GPLD1: variants seen among roughly 807,000 people sequenced by gnomAD.
The protein encoded by GPLD1 is glycosylphosphatidylinositol specific phospholipase D1.
Under a neutral mutation model 112.6 loss-of-function variants are expected in GPLD1, and 84 were observed. The ratio of observed to expected loss-of-function variants is 0.75; its 90% CI spans 0.63 to 0.89. The LOEUF (loss-of-function observed/expected upper bound fraction) is 0.89. GPLD1 is among the 40% of genes least tolerant of loss of function. The probability of loss-of-function intolerance (pLI) is 0.00; values close to 1 mark genes in which losing one functional copy is unlikely to be tolerated. For synonymous variants in GPLD1, 386 were observed against 403.8 expected (o/e 0.96, Z 0.53); for missense variants, 1,044 against 1,051.5 (o/e 0.99, Z 0.10).
At chr6:24,482,788 G>A (rs1045872789) in intron 2 of GPLD1, among the ~76,000 whole-genome samples, 1 of 151,972 alleles carries the variant, frequency 6.6e-6, no homozygotes, top group South Asian at 2.1e-4. Flanking sequence ...GCAAGACTCT[G>A]TTTCTACAAA....
Position 24,482,058 on chromosome 6 carries a change from C to T in GPLD1, c.154-2099G>A, listed in dbSNP as rs181847965. ...GTTGAGGAAAAAAGAAGAGTACTAA[C>T]GAAGGATGTATCCTTCAGATATTAA... is the stretch of plus-strand genomic sequence containing the variant. On this transcript the variant is annotated intron_variant, in intron 2 of 24. Transcript: ENST00000230036. Among the ~76,000 whole-genome samples the T allele has an allele frequency of 1.1e-4, 17 of 149,814 alleles. 1 individual carries two copies. The highest frequency in any genetic ancestry group is 1.0e-3 in the Admixed American group (15 of 14,998).
At position 24,427,813 on chromosome 6, in the gene GPLD1, T is replaced by C. The variant is rs1411610788; in HGVS notation, c.*1219A>G. 8.2e-6 allele frequency among the ~76,000 whole-genome samples: 1 copy of C among 122,680 alleles called. No homozygotes were observed. The highest frequency in any genetic ancestry group is 2.5e-4 in the East Asian group (1 of 4,074). The allele number at this position is 122,680 out of a possible 152,430, so 80.5% of individuals were successfully genotyped here. The stretch of plus-strand genomic sequence containing the variant: ...GTGAGCTGAGATCACATCACTGCAC[T>C]CCAGCCTGGGCAACAGAGCAAGACT... On this transcript the variant is annotated 3_prime_UTR_variant, in exon 25 of 25. Coordinates refer to ENST00000230036, the MANE Select transcript of GPLD1 (RefSeq NM_001503.4).
chr6:24,469,347 T>C (rs1216898685), intron 7 of GPLD1, among the ~76,000 whole-genome samples: 1 of 133,416 alleles, frequency 7.5e-6, no homozygotes, highest in Non-Finnish European at 1.6e-5. Flanking sequence ...ATTGCGGCAT[T>C]ATTCACAATA....
chr6:24,471,157 AT>A (rs1381407854), intron 7 of GPLD1, among the ~76,000 whole-genome samples: 1 of 152,218 alleles, frequency 6.6e-6, no homozygotes, highest in Non-Finnish European at 1.5e-5. Context: ...AAAAGGACAT[AT>A]CAGAAAGCCC....
At chr6:24,481,020 G>C (rs114360779) in intron 2 of GPLD1, among the ~76,000 whole-genome samples, 3 of 152,348 alleles carry the variant, frequency 2.0e-5, no homozygotes, top group Non-Finnish European at 4.4e-5. Flanking sequence ...TGAGGTCCCA[G>C]AACCAATAGG....
Position 24,437,276 on chromosome 6 carries a change from CTTAG to C in GPLD1, c.2030_2033del (p.Ser677TrpfsTer5), listed in dbSNP as rs1029523303. On this transcript the variant is annotated frameshift_variant, in exon 21 of 25. Transcript: ENST00000230036. LOFTEE classifies it high-confidence loss of function. ...GTAGGGTCACGGTCAGGAATGCCACCTTAGACACGTCATCTGAAACGAACCACAG... is the reference window on the plus strand; with the variant it reads ...GTAGGGTCACGGTCAGGAATGCCACCACACGTCATCTGAAACGAACCACAG... 1.2e-6 allele frequency: 2 copies of C among 1,613,526 alleles called. No homozygotes were observed. Among genetic ancestry groups the C allele is most frequent in the Non-Finnish European group, 1.7e-6 (2 of 1,179,820 alleles).
At chr6:24,444,707 A>G (rs944834689) in intron 20 of GPLD1, among the ~76,000 whole-genome samples, 1 of 152,086 alleles carries the variant, frequency 6.6e-6, no homozygotes, top group Non-Finnish European at 1.5e-5. Context: ...AAAATTAGAT[A>G]ATGTGGTGGC....
In GPLD1 at chr6:24,473,618, C is replaced by T; in HGVS notation, c.490+1G>A. 1 of 1,597,540 alleles carries T rather than the reference C, an allele frequency of 6.3e-7. No homozygotes were observed. Among genetic ancestry groups the T allele is most frequent in the East Asian group, 2.2e-5 (1 of 44,732 alleles). ...ATTTAGCAAATGTAAATAAACAGTA[C>T]CAAAATCACCAGCCGAATGAGCCTC... On this transcript the variant is annotated splice_donor_variant, in intron 6 of 24. Coordinates refer to ENST00000230036, the MANE Select transcript of GPLD1 (RefSeq NM_001503.4). LOFTEE classifies it high-confidence loss of function.
intron 14 of GPLD1, among the ~76,000 whole-genome samples, chr6:24,451,233 C>T (rs1377552943): frequency 1.3e-5 from 2 of 151,746 alleles, no homozygotes; most frequent in African/African-American, 4.8e-5. Context: ...TCTCTTCAGA[C>T]TTTTTTTTTC....
At chr6:24,470,103 C>T (rs1265899742) in intron 7 of GPLD1, among the ~76,000 whole-genome samples, 3 of 151,678 alleles carry the variant, frequency 2.0e-5, no homozygotes, top group Non-Finnish European at 2.9e-5. Context: ...ACACCCTACA[C>T]GTTAGGTTTG....
At chr6:24,459,238 T>C (rs1427173848) in intron 12 of GPLD1, among the ~76,000 whole-genome samples, 2 of 141,616 alleles carry the variant, frequency 1.4e-5, no homozygotes, top group Non-Finnish European at 3.0e-5. Flanking sequence ...GGTGAAGCTT[T>C]TCTCCCTGCT....
Position 24,426,305 on chromosome 6 carries a change from A to T in GPLD1, c.*2727T>A, listed in dbSNP as rs903544806. ...TAAAACTATAGTTAATACTTAGTGG[A>T]AAGAAAATTTAATCCATGTATCAGG... On this transcript the variant is annotated 3_prime_UTR_variant, in exon 25 of 25. Transcript: ENST00000230036. 1 of 152,256 alleles carries T rather than the reference A, an allele frequency of 6.6e-6. No homozygotes were observed. The highest frequency in any genetic ancestry group is 2.1e-4 in the South Asian group (1 of 4,834). 9.4% of individuals were successfully genotyped at this position (152,256 alleles called of 1,614,324 possible).
At position 24,456,598 on chromosome 6, in the gene GPLD1, T is replaced by A; in HGVS notation, c.1048A>T (p.Ile350Leu). ...SFIYKALERN[I>L]RTMFIGGSQL... Reference sequence around the variant, plus strand: ...GAGCCACCTATGAACATTGTCCTTATGTTCCTTTCCAAAGCCTTGTAGATA... The same window carrying A: ...GAGCCACCTATGAACATTGTCCTTAAGTTCCTTTCCAAAGCCTTGTAGATA... Residue 350 changes from isoleucine (I) to leucine (L), a missense_variant, in exon 13 of 25, where the codon ATA (isoleucine) becomes TTA (leucine). By Grantham distance (5) the Ile-to-Leu change is conservative. Coordinates refer to ENST00000230036, the MANE Select transcript of GPLD1 (RefSeq NM_001503.4). 1 of 1,606,036 alleles carries A rather than the reference T, an allele frequency of 6.2e-7. No individual in the cohort carries two copies. The highest frequency in any genetic ancestry group is 1.7e-4 in the Middle Eastern group (1 of 6,046).
chr6:24,462,497 T>C (rs1763469093), intron 11 of GPLD1, among the ~76,000 whole-genome samples: 1 of 152,210 alleles, frequency 6.6e-6, no homozygotes, highest in Non-Finnish European at 1.5e-5. Context: ...CCACTGCATG[T>C]CATCCACACC....
At chr6:24,484,811 A>C (rs1764317779) in intron 2 of GPLD1, among the ~76,000 whole-genome samples, 1 of 152,216 alleles carries the variant, frequency 6.6e-6, no homozygotes, top group South Asian at 2.1e-4. Context: ...GAGGAAGCTG[A>C]ATCTTACGAC....
chr6:24,438,280 A>T (rs975456436), intron 20 of GPLD1, among the ~76,000 whole-genome samples: 1 of 152,226 alleles, frequency 6.6e-6, no homozygotes, highest in Admixed American at 6.5e-5. Context: ...GAATTAATGA[A>T]TTTTGAACAA....
chr6:24,453,714 G>C (rs1284909926), intron 14 of GPLD1, among the ~76,000 whole-genome samples: 1 of 151,866 alleles, frequency 6.6e-6, no homozygotes, highest in East Asian at 1.9e-4. Flanking sequence ...GTGTGTGTGT[G>C]TGTGTGTGTA....
At chr6:24,474,132 C>T (rs543464011) in intron 5 of GPLD1, among the ~76,000 whole-genome samples, 1 of 138,124 alleles carries the variant, frequency 7.2e-6, no homozygotes. Flanking sequence ...ATCTCAAAAA[C>T]AAACAAACAA....
chr6:24,440,123 A>G (rs9461011), intron 20 of GPLD1, among the ~76,000 whole-genome samples: 33,290 of 152,138 alleles, frequency 0.22, 3,851 homozygotes, highest in Non-Finnish European at 0.25. Flanking sequence ...AGGAAAGAGG[A>G]TATCATCTTG....
Sources: allele counts gnomAD v4.1 joint callset (sites outside exome capture counted in the v4.1 genomes callset), GRCh38; gene constraint gnomAD v4.1.1; transcripts MANE v1.5; gene names NCBI Gene and HGNC (gene_info 2026-07-23, HGNC 2026-07-21).